RPL30: variants seen among roughly 807,000 people sequenced by gnomAD.
RPL30 encodes large ribosomal subunit protein eL30.
For synonymous variants in RPL30, 40 were observed against 50.4 expected (o/e 0.79, Z 0.87); for missense variants, 60 against 138.0 (o/e 0.43, Z 2.83).
rs779901893 is a variant in RPL30, at chr8:98,044,981, C to T, written c.129G>A (p.Ala43=). The T allele has an allele frequency of 3.1e-6, 5 of 1,614,058 alleles. 1 individual carries two copies. The highest frequency in any genetic ancestry group is 1.7e-4 in the Middle Eastern group (1 of 5,944). ...QTLKMIRQGK[A]KLVILANNCP... is the part of the protein sequence containing the mutation. ...AGTTGTTAGCGAGAATGACCAATTT[C>T]GCTTTGCCTTGTCTGATCATCTTCA... Residue 43 remains alanine (A), a synonymous_variant, in exon 3 of 5, where the codon GCG becomes GCA. Coordinates refer to ENST00000287038, the MANE Select transcript of RPL30 (RefSeq NM_000989.4).
At chr8:98,042,953 T>A (rs1814405888) in intron 3 of RPL30, 178 bp from the exon 4 acceptor site, 1 of 540,706 alleles carries the variant, frequency 1.8e-6, no homozygotes, top group Non-Finnish European at 3.1e-6. Context: ...TTTGTATGTA[T>A]CCCTTGCAAG....
chr8:98,042,834 ATGT>A (rs1269219505), intron 3 of RPL30, 59 bp from the exon 4 acceptor site: 5 of 1,458,814 alleles, frequency 3.4e-6, no homozygotes. Context: ...GACAGACTAA[ATGT>A]TACTACTTCT....
Position 98,042,544 on chromosome 8 carries a change from G to A in RPL30, c.298+101C>T, listed in dbSNP as rs59471781. On this transcript the variant is annotated intron_variant, in intron 4 of 4. Transcript: ENST00000287038. ...GCCTTGCTAGATCCATATTCTATCT[G>A]AATTTAGGAACCAAAGACATTTGCG... 4.4e-4 allele frequency: 508 copies of A among 1,164,146 alleles called. 3 individuals carry two copies. The African/African-American group carries it at 7.1e-3, about 16-fold the overall frequency. 72.1% of individuals were successfully genotyped at this position (1,164,146 alleles called of 1,614,324 possible).
intron 2 of RPL30, 50 bp downstream of exon 2, chr8:98,045,297 A>C: frequency 6.2e-7 from 1 of 1,613,722 alleles, no homozygotes. Context: ...GCCCTGGCCA[A>C]GACATCTCTC....
intron 3 of RPL30, 53 bp downstream of exon 3, chr8:98,044,890 T>G: frequency 1.9e-6 from 3 of 1,579,506 alleles, no homozygotes; most frequent in Non-Finnish European, 2.6e-6. Context: ...CTCCTGTATA[T>G]TCGTTCACGA....
intron 1 of RPL30, 42 bp downstream of exon 1, chr8:98,045,466 T>C: frequency 6.8e-7 from 1 of 1,467,048 alleles, no homozygotes; most frequent in Non-Finnish European, 9.5e-7. Context: ...CCCGCAAAGC[T>C]CCCCGCGCTG....
chr8:98,041,730 C>T lies in RPL30; in HGVS notation c.*71G>A. 2.0e-6 allele frequency: 2 copies of T among 998,440 alleles called. No individual in the cohort carries two copies. Among genetic ancestry groups the T allele is most frequent in the Non-Finnish European group, 3.1e-6 (2 of 642,550 alleles). The allele number at this position is 998,440 out of a possible 1,614,324, so 61.8% of individuals were successfully genotyped here. The stretch of plus-strand genomic sequence containing the variant: ...TGAAATAGATACAATGTTTTTAAAA[C>T]AAGCAAATTTTATTAAAGGAAAATT... On this transcript the variant is annotated 3_prime_UTR_variant, in exon 5 of 5. Coordinates refer to ENST00000287038, the MANE Select transcript of RPL30 (RefSeq NM_000989.4).
chr8:98,042,608 C>CA (rs3073528), intron 4 of RPL30, 37 bp downstream of exon 4: 360,490 of 1,440,082 alleles, frequency 0.25, 11,696 homozygotes, highest in East Asian at 0.43. Context: ...ATTAGAAAGG[C>CA]AAAAAAAAAA....
Position 98,044,806 on chromosome 8 carries a change from G to A in RPL30, c.167+137C>T, listed in dbSNP as rs546211374. The A allele has an allele frequency of 1.6e-4, 159 of 998,984 alleles. No homozygotes were observed. In the East Asian group the frequency reaches 3.3e-3, roughly 21 times the overall value. The allele number at this position is 998,984 out of a possible 1,614,324, so 61.9% of individuals were successfully genotyped here. On this transcript the variant is annotated intron_variant, in intron 3 of 4. Transcript: ENST00000287038. ...TGGGTCGGGGAGACGGGAATGAAGG[G>A]CCAAACACCACAATCGCTACCGTAA...
Position 98,041,811 on chromosome 8 carries a change from C to T in RPL30, c.338G>A (p.Gly113Asp). ...DIIRSMPEQT[G>D]EK ...TGTAGGTGAAAAGGTTTACTTTTCA[C>T]CAGTCTGTTCTGGCATGCTTCTAAT... The change falls in exon 5 of 5, where the codon GGT (glycine) becomes GAT (aspartate). Residue 113 changes from glycine (G) to aspartate (D), a missense_variant. Transcript: ENST00000287038. The T allele has an allele frequency of 1.2e-6, 2 of 1,600,764 alleles. No individual in the cohort carries two copies. The highest frequency in any genetic ancestry group is 1.1e-5 in the South Asian group (1 of 87,516).
Position 98,042,794 on chromosome 8 carries a change from G to T in RPL30, c.168-19C>A. On this transcript the variant is annotated intron_variant, in intron 3 of 4. Coordinates refer to ENST00000287038, the MANE Select transcript of RPL30 (RefSeq NM_000989.4). ...AGATTTCCTTTGGGAACCAAAATGG[G>T]CAAATAAATAAATGCGATACCAAGT... 6.5e-7 allele frequency: 1 copy of T among 1,547,974 alleles called. No individual in the cohort carries two copies.
At chr8:98,043,277 C>G (rs1398969727) in intron 3 of RPL30, 1 of 152,128 alleles carries the variant, frequency 6.6e-6, no homozygotes, top group Non-Finnish European at 1.5e-5. Context: ...CAGGCGTGCA[C>G]CACCACACCC....
intron 2 of RPL30, 59 bp from the exon 3 acceptor site, chr8:98,045,147 G>A: frequency 6.3e-7 from 1 of 1,583,610 alleles, no homozygotes; most frequent in Non-Finnish European, 8.6e-7. Flanking sequence ...CCTCAAAACC[G>A]GACCCAGCTT....
In RPL30 at chr8:98,041,837, G is replaced by T; in HGVS notation, c.312C>A (p.Ile104=). ...CAGTCTGTTCTGGCATGCTTCTAAT[G>T]ATGTCAGAGTCACCTAAAAAATAAA... ...LAIIDPGDSD[I]IRSMPEQTGE... is the part of the protein sequence containing the mutation. Residue 104 remains isoleucine (I), a synonymous_variant, in exon 5 of 5, where the codon ATC becomes ATA. Transcript: ENST00000287038. 1 of 1,598,626 alleles carries T rather than the reference G, an allele frequency of 6.3e-7. No homozygotes were observed. The highest frequency in any genetic ancestry group is 8.5e-7 in the Non-Finnish European group (1 of 1,170,894).
chr8:98,045,475 T>C (rs1315759666), intron 1 of RPL30, 33 bp downstream of exon 1: 1 of 1,370,608 alleles, frequency 7.3e-7, no homozygotes, highest in African/African-American at 1.4e-5. Flanking sequence ...CTCCCCGCGC[T>C]GCCTAAACCT....
Position 98,045,383 on chromosome 8 carries a change from G to C in RPL30, c.-16C>G. On this transcript the variant is annotated 5_prime_UTR_variant, in exon 2 of 5. Coordinates refer to ENST00000287038, the MANE Select transcript of RPL30 (RefSeq NM_000989.4). ...CGGCCACCATCTTCCTGCCTTAGGA[G>C]CGGGACGGCCCCCAACCTAGAAGAG... 6.2e-7 allele frequency: 1 copy of C among 1,614,158 alleles called. No homozygotes were observed. The highest frequency in any genetic ancestry group is 8.5e-7 in the Non-Finnish European group (1 of 1,180,032).
At chr8:98,043,446 T>TTA (rs1554618472) in intron 3 of RPL30, 2 of 150,638 alleles carry the variant, frequency 1.3e-5, no homozygotes, top group African/African-American at 4.9e-5. Flanking sequence ...TTTTTTTTTT[T>TTA]AATCTAATGA....
intron 3 of RPL30, chr8:98,043,431 C>CTTTTTTTTTTTTT (rs533167121): frequency 7.2e-6 from 1 of 138,632 alleles, no homozygotes; most frequent in Non-Finnish European, 1.5e-5. Context: ...CAGCCCTATT[C>CTTTTTTTTTTTTT]TTTTTTTTTT....
Position 98,045,335 on chromosome 8 carries a change from C to T in RPL30, c.21+12G>A. 1.2e-6 allele frequency: 2 copies of T among 1,614,156 alleles called. No individual in the cohort carries two copies. Among genetic ancestry groups the T allele is most frequent in the Non-Finnish European group, 1.7e-6 (2 of 1,180,034 alleles). On this transcript the variant is annotated intron_variant, in intron 2 of 4. Coordinates refer to ENST00000287038, the MANE Select transcript of RPL30 (RefSeq NM_000989.4). ...CGTGAATCGTCTTCCGGGCCTGGCC[C>T]GCCTCACTCACCGTCTTCTTTGCGG...
Sources: gnomAD v4.1 joint callset for allele counts on GRCh38, gnomAD v4.1.1 for gene constraint, MANE v1.5 for transcripts, NCBI Gene and HGNC (gene_info 2026-07-23, HGNC 2026-07-21) for gene names.